SLC30A7: variants seen among roughly 807,000 people sequenced by gnomAD.
The protein encoded by SLC30A7 is solute carrier family 30 member 7.
SLC30A7 carries 35 observed loss-of-function variants against 46.0 expected under a neutral mutation model. The ratio of observed to expected loss-of-function variants is 0.76; its 90% confidence interval spans 0.58 to 1.01. SLC30A7 has a LOEUF of 1.01. SLC30A7 is among the 50% of genes least tolerant of loss of function. SLC30A7 has a pLI of 0.00. For synonymous variants in SLC30A7, 147 were observed against 157.8 expected, an observed-to-expected ratio of 0.93 and a Z score of 0.51; for missense variants, 464 against 451.1, an observed-to-expected ratio of 1.03 and a Z score of -0.26.
the SLC30A7 span, among the ~76,000 whole-genome samples, chr1:100,992,384 G>A: frequency 6.6e-6 from 1 of 152,036 alleles, no homozygotes; most frequent in Admixed American, 6.6e-5. Context: ...TGTGACTTAT[G>A]TTTAATTTGT....
intron 2 of SLC30A7, among the ~76,000 whole-genome samples, chr1:100,898,398 T>C (rs1651106862): frequency 6.6e-6 from 1 of 152,148 alleles, no homozygotes; most frequent in Admixed American, 6.5e-5. Flanking sequence ...ACAAAAACAT[T>C]AGTTGTAGTC....
intron 8 of SLC30A7, among the ~76,000 whole-genome samples, chr1:100,936,229 A>G (rs1050997448): frequency 1.3e-5 from 2 of 152,126 alleles, no homozygotes; most frequent in South Asian, 4.1e-4. Context: ...AGAACTTACT[A>G]ATTTACTAGA....
At chr1:100,941,152 G>T in intron 8 of SLC30A7, 1 of 344,394 alleles carries the variant, frequency 2.9e-6, no homozygotes, top group Non-Finnish European at 5.7e-6. Flanking sequence ...TTCCTTCATG[G>T]GTTCAGAATT....
chr1:100,905,909 A>G (rs1453541578), intron 2 of SLC30A7, among the ~76,000 whole-genome samples: 1 of 152,182 alleles, frequency 6.6e-6, no homozygotes, highest in African/African-American at 2.4e-5. Flanking sequence ...TGTAGCTCTT[A>G]ACAATGAGTC....
At chr1:100,948,140 G>T (rs1224450750) in intron 8 of SLC30A7, among the ~76,000 whole-genome samples, 4 of 152,124 alleles carry the variant, frequency 2.6e-5, no homozygotes, top group Admixed American at 2.6e-4. Flanking sequence ...TTTCTTCATA[G>T]CATCGATGGT....
intron 10 of SLC30A7, among the ~76,000 whole-genome samples, 185 bp downstream of exon 10, chr1:100,966,103 C>T (rs574279252): frequency 5.5e-4 from 83 of 151,272 alleles, no homozygotes; most frequent in Non-Finnish European, 2.9e-5. Context: ...TGACATGCGC[C>T]TATAGTCCCA....
intron 5 of SLC30A7, among the ~76,000 whole-genome samples, chr1:100,913,118 T>C (rs868060488): frequency 5.3e-5 from 8 of 152,228 alleles, no homozygotes; most frequent in African/African-American, 1.2e-4. Context: ...GGAGAAAGGA[T>C]TCTGCATTCT....
intron 8 of SLC30A7, 71 bp downstream of exon 8, chr1:100,921,912 C>A (rs2101032516): frequency 5.2e-4 from 426 of 817,382 alleles, no homozygotes; most frequent in Non-Finnish European, 7.0e-4. Flanking sequence ...AATTATAGGT[C>A]TAAAATACAA....
At chr1:100,957,381 T>C (rs1655285312) in intron 8 of SLC30A7, among the ~76,000 whole-genome samples, 1 of 152,244 alleles carries the variant, frequency 6.6e-6, no homozygotes, top group Non-Finnish European at 1.5e-5. Context: ...ACTGCTTTTT[T>C]CCCCTTAGTA....
intron 6 of SLC30A7, among the ~76,000 whole-genome samples, chr1:100,914,338 C>T (rs1652334210): frequency 6.6e-6 from 1 of 152,160 alleles, no homozygotes; most frequent in Non-Finnish European, 1.5e-5. Context: ...TCCCCCTTTC[C>T]CTCCCCTCAA....
chr1:100,959,210 G>A (rs1308072946), intron 8 of SLC30A7, among the ~76,000 whole-genome samples: 1 of 152,144 alleles, frequency 6.6e-6, no homozygotes, highest in Non-Finnish European at 1.5e-5. Flanking sequence ...TAGGCAGTGG[G>A]GAGCTTTTGA....
In SLC30A7 at chr1:100,978,804, T is replaced by G. The variant is rs560172817; in HGVS notation, c.*3947T>G. The G allele has an allele frequency of 6.6e-6, 1 of 152,348 alleles. No individual in the cohort carries two copies. Among genetic ancestry groups the G allele is most frequent in the African/African-American group, 2.4e-5 (1 of 41,590 alleles). 9.4% of individuals were successfully genotyped at this position (152,348 alleles called of 1,614,324 possible). Reference sequence around the variant, plus strand: ...TTTCCATCATATTCTTTATGGAAGATGCAATTAATTTTAACTTTTTTACTC... The same window carrying G: ...TTTCCATCATATTCTTTATGGAAGAGGCAATTAATTTTAACTTTTTTACTC... On this transcript the variant is annotated 3_prime_UTR_variant, in exon 11 of 11. Transcript: ENST00000357650.
intron 3 of SLC30A7, among the ~76,000 whole-genome samples, chr1:100,909,929 G>A (rs1651973614): frequency 6.6e-6 from 1 of 151,814 alleles, no homozygotes; most frequent in Admixed American, 6.6e-5. Flanking sequence ...GCTGTGGAAT[G>A]CTGGTTGCAA....
intron 8 of SLC30A7, among the ~76,000 whole-genome samples, chr1:100,945,051 A>C (rs1172249369): frequency 1.3e-5 from 2 of 152,046 alleles, no homozygotes; most frequent in African/African-American, 4.8e-5. Context: ...GATGATGAGC[A>C]TTTTTTCATG....
downstream of SLC30A7, among the ~76,000 whole-genome samples, chr1:100,983,119 C>G (rs1314080715): frequency 6.6e-6 from 1 of 152,152 alleles, no homozygotes; most frequent in Non-Finnish European, 1.5e-5. Flanking sequence ...CAAGTGTAAA[C>G]TCTTCTGAAC....
intron 8 of SLC30A7, among the ~76,000 whole-genome samples, chr1:100,927,788 G>T (rs189451785): frequency 5.9e-5 from 9 of 152,164 alleles, no homozygotes; most frequent in Admixed American, 4.6e-4. Flanking sequence ...GGTAATTGAT[G>T]CATGCTTTAA....
intron 8 of SLC30A7, among the ~76,000 whole-genome samples, chr1:100,922,565 G>A (rs1653016345): frequency 6.6e-6 from 1 of 152,158 alleles, no homozygotes; most frequent in South Asian, 2.1e-4. Context: ...CATTGTAGAA[G>A]TCTTGTAAAA....
the SLC30A7 span, among the ~76,000 whole-genome samples, chr1:100,989,017 G>A: frequency 6.8e-6 from 1 of 146,876 alleles, no homozygotes; most frequent in Non-Finnish European, 1.5e-5. Context: ...AATTTACTAA[G>A]TAAAGAGCTC....
At chr1:100,921,651 C>A in intron 7 of SLC30A7, 55 bp from the exon 8 acceptor site, 3 of 1,420,088 alleles carry the variant, frequency 2.1e-6, no homozygotes, top group Non-Finnish European at 2.9e-6. Flanking sequence ...AGGATATATT[C>A]GTATTTTAAA....
Sources: allele counts gnomAD v4.1 joint callset (sites outside exome capture counted in the v4.1 genomes callset), GRCh38; gene constraint gnomAD v4.1.1; transcripts MANE v1.5; gene names NCBI Gene and HGNC (gene_info 2026-07-23, HGNC 2026-07-21).